STATH: variants seen among roughly 807,000 people sequenced by gnomAD.
The protein encoded by STATH is statherin.
Under a neutral mutation model 13.3 loss-of-function variants are expected in STATH, and 11 were observed. The ratio of observed to expected loss-of-function variants is 0.83; its 90% confidence interval spans 0.52 to 1.37. The LOEUF (loss-of-function observed/expected upper bound fraction) is 1.37. STATH is among the 40% of genes most tolerant of loss of function. The pLI is 0.00. For missense variants in STATH, 78 were observed against 73.3 expected, an observed-to-expected ratio of 1.06 and a Z score of -0.24; for synonymous variants, 25 against 23.6, an observed-to-expected ratio of 1.06 and a Z score of -0.17.
At chr4:70,000,525 A>G (rs887246742) in intron 4 of STATH, among the ~76,000 whole-genome samples, 3 of 151,838 alleles carry the variant, frequency 2.0e-5, no homozygotes, top group Non-Finnish European at 2.9e-5. Context: ...TCTCCTTCCC[A>G]TAATACTCAA....
intron 4 of STATH, chr4:70,000,219 A>G (rs1181932515): frequency 5.2e-5 from 9 of 171,936 alleles, no homozygotes; most frequent in Admixed American, 1.7e-4. Context: ...TAAACAGGTC[A>G]TGATAAATGA....
chr4:70,000,018 A>G, intron 4 of STATH: 1 of 577,098 alleles, frequency 1.7e-6, no homozygotes, highest in Non-Finnish European at 3.0e-6. Flanking sequence ...TGCCAACCTG[A>G]AGAAACCAGT....
rs764756747 is a variant in STATH at position 69,998,432 on chromosome 4, C to A, written c.-6C>A. ...CCACATATGTTTTCAGAGAACCCAG[C>A]CAACTATGAAGTTCCTTGTCTTTGC... On this transcript the variant is annotated 5_prime_UTR_variant, in exon 2 of 6. Transcript: ENST00000246895. 2.2e-5 allele frequency: 35 copies of A among 1,610,562 alleles called. No homozygotes were observed. Among genetic ancestry groups the A allele is most frequent in the Non-Finnish European group, 2.9e-5 (34 of 1,178,224 alleles).
chr4:70,002,223 T>G lies in STATH; in HGVS notation c.*68T>G, dbSNP rs1406847023. 6.6e-6 allele frequency: 1 copy of G among 151,662 alleles called. No homozygotes were observed. Among genetic ancestry groups the G allele is most frequent in the Non-Finnish European group, 1.5e-5 (1 of 67,730 alleles). 9.4% of individuals were successfully genotyped at this position (151,662 alleles called of 1,614,324 possible). On this transcript the variant is annotated 3_prime_UTR_variant, in exon 6 of 6. Coordinates refer to ENST00000246895, the MANE Select transcript of STATH (RefSeq NM_003154.3). ...GCAAATACGACTTCTACATCCATATTCTCATCTTTCATACCATATCACACT... is the reference window on the plus strand; with the variant it reads ...GCAAATACGACTTCTACATCCATATGCTCATCTTTCATACCATATCACACT...
intron 1 of STATH, among the ~76,000 whole-genome samples, chr4:69,996,794 C>A (rs892113115): frequency 1.3e-5 from 2 of 151,946 alleles, no homozygotes; most frequent in South Asian, 4.1e-4. Context: ...ATAAAATTTA[C>A]AGGTATAAAA....
At chr4:69,997,540 C>T (rs1724542187) in intron 1 of STATH, among the ~76,000 whole-genome samples, 1 of 151,956 alleles carries the variant, frequency 6.6e-6, no homozygotes, top group Admixed American at 6.6e-5. Flanking sequence ...CTGAAAATGT[C>T]TTTATTTAGA....
At chr4:69,998,365 C>A (rs1343850213) in intron 1 of STATH, 58 bp from the exon 2 acceptor site, 5 of 1,370,792 alleles carry the variant, frequency 3.6e-6, no homozygotes, top group Non-Finnish European at 5.2e-6. Context: ...AATCAATAAA[C>A]TTTTGATGGG....
Position 69,999,780 on chromosome 4 carries a change from A to G in STATH, c.73A>G (p.Lys25Glu), listed in dbSNP as rs768311029. The G allele has an allele frequency of 1.9e-6, 3 of 1,612,132 alleles. No homozygotes were observed. Among genetic ancestry groups the G allele is most frequent in the Non-Finnish European group, 2.5e-6 (3 of 1,178,918 alleles). ...TTAAACTTTTCTTCATTTTTCACAG[A>G]AATTTTTGCGTAGAATTGGAAGATT... ...SMIGADSSEE[K>E]FLRRIGRFGY... is the part of the protein sequence containing the mutation. Residue 25 changes from lysine to glutamate, a missense_variant and splice_region_variant, in exon 4 of 6, where the codon AAA becomes GAA. Transcript: ENST00000246895.
chr4:69,997,924 T>A (rs1724552208), intron 1 of STATH, among the ~76,000 whole-genome samples: 3 of 152,130 alleles, frequency 2.0e-5, no homozygotes, highest in Non-Finnish European at 4.4e-5. Flanking sequence ...ACCTTAAATA[T>A]CATCCCTAAT....
At chr4:69,998,949 T>C (rs1560413793) in intron 2 of STATH, 1 of 152,608 alleles carries the variant, frequency 6.6e-6, no homozygotes, top group Admixed American at 6.5e-5. Flanking sequence ...CTTTCTAAAA[T>C]AAAGCTGCTT....
chr4:69,999,519 A>C, intron 2 of STATH, 148 bp from the exon 3 acceptor site: 1 of 697,156 alleles, frequency 1.4e-6, no homozygotes. Context: ...TAAAGATGTC[A>C]TGAAGCAAAA....
At chr4:70,000,121 T>C (rs923893515) in intron 4 of STATH, 62 of 308,138 alleles carry the variant, frequency 2.0e-4, no homozygotes, top group African/African-American at 1.2e-3. Flanking sequence ...AATATATGCC[T>C]CATGGAGCAT....
intron 1 of STATH, 34 bp downstream of exon 1, chr4:69,996,059 T>TAATCGAATA (rs1724494987): frequency 6.6e-6 from 1 of 152,206 alleles, no homozygotes; most frequent in South Asian, 2.1e-4. Flanking sequence ...ATATGTTGTC[T>TAATCGAATA]TAATCTAGAG....
At chr4:69,997,031 G>A (rs564967926) in intron 1 of STATH, among the ~76,000 whole-genome samples, 12 of 150,498 alleles carry the variant, frequency 8.0e-5, no homozygotes, top group South Asian at 2.1e-4. Context: ...TCCACCTCCC[G>A]GGCTCAAGTG....
chr4:69,998,190 G>C (rs1253766298), intron 1 of STATH, among the ~76,000 whole-genome samples: 2 of 151,954 alleles, frequency 1.3e-5, no homozygotes, highest in African/African-American at 4.8e-5. Context: ...TCTGTGTAAG[G>C]TGTTGATTTG....
chr4:69,998,586 T>A, intron 2 of STATH, 98 bp downstream of exon 2: 3 of 1,018,364 alleles, frequency 2.9e-6, no homozygotes, highest in Non-Finnish European at 4.3e-6. Flanking sequence ...TTTACTTGAA[T>A]ACAGCTTTAT....
At chr4:69,998,202 G>C (rs1560413449) in intron 1 of STATH, 2 of 499,754 alleles carry the variant, frequency 4.0e-6, no homozygotes, top group East Asian at 6.3e-5. Flanking sequence ...GTTGATTTGT[G>C]TGTTACTCTA....
chr4:69,999,897 C>A, intron 4 of STATH, 88 bp downstream of exon 4: 1 of 1,461,044 alleles, frequency 6.8e-7, no homozygotes, highest in South Asian at 1.2e-5. Flanking sequence ...ACTTATTTCT[C>A]AAATATGTGT....
At chr4:70,000,705 T>C in intron 4 of STATH, 158 bp from the exon 5 acceptor site, 4 of 604,556 alleles carry the variant, frequency 6.6e-6, no homozygotes, top group Middle Eastern at 3.9e-4. Context: ...AAAATGTGTT[T>C]ATAACCAAAA....
Sources: allele counts gnomAD v4.1 joint callset (sites outside exome capture counted in the v4.1 genomes callset), GRCh38; gene constraint gnomAD v4.1.1; transcripts MANE v1.5; gene names NCBI Gene and HGNC (gene_info 2026-07-23, HGNC 2026-07-21).